Variants in ITIH5 observed in about 807,000 individuals in gnomAD.
ITIH5 encodes inter-alpha-trypsin inhibitor heavy chain 5.
A neutral mutation model predicts 77.5 loss-of-function variants in ITIH5; 65 were observed. That is an observed-to-expected ratio of 0.84 (90% CI 0.69 to 1.03). ITIH5 has a LOEUF of 1.03. Among genes scored for constraint, ITIH5 ranks in the 50% least tolerant of loss-of-function variants. The pLI is 0.00. For missense variants in ITIH5, 1,208 were observed against 1,213.1 expected (o/e 1.00, Z 0.06); for synonymous variants, 525 against 494.3 (o/e 1.06, Z -0.82).
At chr10:7,611,179 C>A (rs1332536422) in intron 7 of ITIH5, among the ~76,000 whole-genome samples, 1 of 152,232 alleles carries the variant, frequency 6.6e-6, no homozygotes, top group Non-Finnish European at 1.5e-5. Flanking sequence ...GCTGCCACCA[C>A]CATTTATTAG....
chr10:7,579,992 C>G lies in ITIH5; in HGVS notation c.1181G>C (p.Gly394Ala). The change falls in exon 9 of 14, where the codon GGA becomes GCA. Residue 394 changes from glycine (G) to alanine (A), a missense_variant. Physicochemically the swap from Gly to Ala is moderately conservative, Grantham distance 60. Transcript: ENST00000397146. ...GACGATGAGGGACACGCTCCGGTCT[C>G]CAATGCCACTGTGGGCCACGTACTT... is the stretch of plus-strand genomic sequence containing the variant. ...LNKYVAHSGI[G>A]DRSVSLIVFL... 6.2e-7 allele frequency: 1 copy of G among 1,614,116 alleles called. No individual in the cohort carries two copies. The highest frequency in any genetic ancestry group is 8.5e-7 in the Non-Finnish European group (1 of 1,180,026).
intron 5 of ITIH5, chr10:7,619,727 T>G (rs1833441623): frequency 5.4e-6 from 1 of 186,296 alleles, no homozygotes; most frequent in East Asian, 1.5e-4. Flanking sequence ...GAGAACTCAC[T>G]CACTATCACG....
chr10:7,608,726 C>T (rs116313290), intron 7 of ITIH5, among the ~76,000 whole-genome samples: 3 of 152,300 alleles, frequency 2.0e-5, no homozygotes, highest in East Asian at 1.9e-4. Context: ...GCCATCTGCA[C>T]GCACACTCGG....
chr10:7,606,310 T>C (rs11255233), intron 7 of ITIH5, among the ~76,000 whole-genome samples: 33,837 of 152,168 alleles, frequency 0.22, 3,833 homozygotes, highest in Middle Eastern at 0.27. Flanking sequence ...TGCATATGTT[T>C]ATGGCAGCAC....
rs190740450 is a variant in ITIH5 at position 7,644,326 on chromosome 10, T to A, written c.136-2236A>T. On this transcript the variant is annotated intron_variant, in intron 2 of 13. Transcript: ENST00000397146. ...ACATATCACATATATATCATACATA[T>A]CACATATATATCACATATATCACAT... Among the ~76,000 whole-genome samples the A allele has an allele frequency of 3.4e-5, 5 of 147,760 alleles. No individual in the cohort carries two copies. In the East Asian group the frequency reaches 9.8e-4, roughly 29 times the overall value.
At chr10:7,594,942 C>T (rs773001966) in intron 7 of ITIH5, among the ~76,000 whole-genome samples, 1 of 152,220 alleles carries the variant, frequency 6.6e-6, no homozygotes, top group Non-Finnish European at 1.5e-5. Flanking sequence ...AGAGGCCCTT[C>T]GGGTTTCCCC....
intron 5 of ITIH5, chr10:7,618,805 G>A (rs1009829576): frequency 3.9e-5 from 6 of 152,238 alleles, no homozygotes; most frequent in Admixed American, 3.3e-4. Context: ...TCCTTCTGCT[G>A]AGGGTTTATT....
chr10:7,644,642 A>C (rs796097370), intron 2 of ITIH5, among the ~76,000 whole-genome samples: 6 of 82,186 alleles, frequency 7.3e-5, no homozygotes, highest in African/African-American at 1.5e-4. Context: ...TCACATATAT[A>C]TCATATATAT....
chr10:7,625,249 C>T (rs775673440), intron 5 of ITIH5, among the ~76,000 whole-genome samples: 1 of 152,006 alleles, frequency 6.6e-6, no homozygotes, highest in Admixed American at 6.6e-5. Flanking sequence ...AAGCCAGACA[C>T]AAAAGAACAG....
intron 7 of ITIH5, among the ~76,000 whole-genome samples, chr10:7,608,209 C>T (rs148699224): frequency 4.6e-5 from 7 of 152,322 alleles, no homozygotes; most frequent in Non-Finnish European, 5.9e-5. Flanking sequence ...CTCTGGGTCC[C>T]GCAGCTCATG....
At chr10:7,598,732 A>G (rs1832958339) in intron 7 of ITIH5, among the ~76,000 whole-genome samples, 1 of 152,210 alleles carries the variant, frequency 6.6e-6, no homozygotes, top group Non-Finnish European at 1.5e-5. Flanking sequence ...TAGCAAGACA[A>G]AAAACACTTT....
chr10:7,611,656 T>C (rs541322797), intron 7 of ITIH5, among the ~76,000 whole-genome samples: 1 of 152,324 alleles, frequency 6.6e-6, no homozygotes, highest in South Asian at 2.1e-4. Context: ...TTTGCTCATT[T>C]TCTTATATAG....
chr10:7,645,597 C>T (rs971746553), intron 2 of ITIH5, among the ~76,000 whole-genome samples: 7 of 152,182 alleles, frequency 4.6e-5, no homozygotes, highest in African/African-American at 1.7e-4. Flanking sequence ...ACCAAAATTA[C>T]ATCCACATCT....
chr10:7,664,238 A>G lies in ITIH5; in HGVS notation c.90+2565T>C, dbSNP rs149228611. On this transcript the variant is annotated intron_variant, in intron 1 of 13. Coordinates refer to ENST00000397146, the MANE Select transcript of ITIH5 (RefSeq NM_030569.7). The stretch of plus-strand genomic sequence containing the variant: ...AACGTGATGTATTTTTGTCTCTATT[A>G]AAAATACAAAAATTAGCCAGGCATG... Among the ~76,000 whole-genome samples the G allele has an allele frequency of 3.7e-4, 56 of 152,084 alleles. 1 individual carries two copies. The East Asian group carries it at 9.7e-3, about 26-fold the overall frequency.
chr10:7,567,326 T>TTATTATTAG (rs1346494482), intron 12 of ITIH5, among the ~76,000 whole-genome samples: 1 of 141,594 alleles, frequency 7.1e-6, no homozygotes, highest in African/African-American at 2.8e-5. Context: ...TCTTTTATTA[T>TTATTATTAG]TATTATTATT....
chr10:7,623,983 A>G (rs987770755), intron 5 of ITIH5, among the ~76,000 whole-genome samples: 2 of 152,148 alleles, frequency 1.3e-5, no homozygotes, highest in African/African-American at 4.8e-5. Context: ...TTTATAGCTG[A>G]AGGGATTCAA....
chr10:7,626,178 A>T (rs911450977), intron 5 of ITIH5, among the ~76,000 whole-genome samples: 4 of 152,304 alleles, frequency 2.6e-5, no homozygotes, highest in African/African-American at 7.2e-5. Context: ...CATGCTGACA[A>T]CATCCACCTC....
chr10:7,607,083 G>A (rs1833140622), intron 7 of ITIH5, among the ~76,000 whole-genome samples: 1 of 152,176 alleles, frequency 6.6e-6, no homozygotes, highest in African/African-American at 2.4e-5. Flanking sequence ...ACATGCATCT[G>A]CTGGTAGCAA....
chr10:7,631,359 T>C (rs1243302696), intron 5 of ITIH5, among the ~76,000 whole-genome samples: 1 of 152,168 alleles, frequency 6.6e-6, no homozygotes, highest in African/African-American at 2.4e-5. Context: ...TTGGAGCCTC[T>C]TCTCTCAACG....
Sources: gnomAD v4.1 joint callset for allele counts (sites outside exome capture counted in the v4.1 genomes callset) on GRCh38, gnomAD v4.1.1 for gene constraint, MANE v1.5 for transcripts, NCBI Gene and HGNC (gene_info 2026-07-23, HGNC 2026-07-21) for gene names.